Variants in WWP2 observed in about 807,000 individuals in gnomAD.
The protein encoded by WWP2 is WW domain containing E3 ubiquitin protein ligase 2.
WWP2 carries 57 observed loss-of-function variants against 121.0 expected under a neutral mutation model. The observed-to-expected ratio is 0.47, with a 90% confidence interval of 0.38 to 0.59. The LOEUF is 0.59. WWP2 is among the 20% of genes least tolerant of loss of function. WWP2 has a pLI of 0.00. For synonymous variants in WWP2, 449 were observed against 441.3 expected, an observed-to-expected ratio of 1.02 and a Z score of -0.22; for missense variants, 962 against 1,158.9, an observed-to-expected ratio of 0.83 and a Z score of 2.47.
rs368479151 is a variant in WWP2 at position 69,914,004 on chromosome 16, A to G, written c.1005-3705A>G. On this transcript the variant is annotated intron_variant, in intron 9 of 23. Coordinates refer to ENST00000359154, the MANE Select transcript of WWP2 (RefSeq NM_001270454.2). Reference sequence around the variant, plus strand: ...GGAGAATCGCTTGAACCTGGGAGGCAGAGGTTGCAGTGAACTGAGATCACA... The same window carrying G: ...GGAGAATCGCTTGAACCTGGGAGGCGGAGGTTGCAGTGAACTGAGATCACA... 3.6e-5 allele frequency among the ~76,000 whole-genome samples: 5 copies of G among 139,376 alleles called. No individual in the cohort carries two copies. The East Asian group carries it at 1.2e-3, about 34-fold the overall frequency. The allele number at this position is 139,376 out of a possible 152,430, so 91.4% of individuals were successfully genotyped here.
chr16:69,902,417 G>A (rs1341028049), intron 8 of WWP2, among the ~76,000 whole-genome samples: 4 of 152,162 alleles, frequency 2.6e-5, no homozygotes, highest in East Asian at 1.9e-4. Context: ...GCAGTCAGAC[G>A]GAGACTGCTT....
At chr16:69,929,874 G>T (rs905268279) in intron 12 of WWP2, among the ~76,000 whole-genome samples, 1 of 152,214 alleles carries the variant, frequency 6.6e-6, no homozygotes, top group Non-Finnish European at 1.5e-5. Context: ...TGGGGCACAG[G>T]GTGCCTCAGG....
At chr16:69,911,147 C>T (rs1379033331) in intron 9 of WWP2, among the ~76,000 whole-genome samples, 1 of 152,100 alleles carries the variant, frequency 6.6e-6, no homozygotes, top group Non-Finnish European at 1.5e-5. Flanking sequence ...AGACCTAGTC[C>T]CTGGGGAGCA....
chr16:69,870,259 T>C lies in WWP2; in HGVS notation c.576-1545T>C, dbSNP rs574345305. ...ATGTTAGAGTTCAGTGAATATTATA[T>C]ACTTCTGTAGCCATTATTATTACCT... On this transcript the variant is annotated intron_variant, in intron 6 of 23. Transcript: ENST00000359154. 3.2e-4 allele frequency among the ~76,000 whole-genome samples: 49 copies of C among 152,158 alleles called. No individual in the cohort carries two copies. The Middle Eastern group carries it at 0.014, about 43-fold the overall frequency.
chr16:69,802,438 G>A (rs1461894243), intron 4 of WWP2, among the ~76,000 whole-genome samples: 1 of 152,114 alleles, frequency 6.6e-6, no homozygotes, highest in African/African-American at 2.4e-5. Flanking sequence ...GCACCTGGCA[G>A]CTACCGCTCT....
At chr16:69,851,903 A>C (rs1241706419) in intron 6 of WWP2, among the ~76,000 whole-genome samples, 1 of 152,058 alleles carries the variant, frequency 6.6e-6, no homozygotes, top group Non-Finnish European at 1.5e-5. Context: ...GAATAGCTTA[A>C]ATCTGGGGGG....
At chr16:69,909,058 A>G (rs1427901835) in intron 9 of WWP2, 1 of 1,351,212 alleles carries the variant, frequency 7.4e-7, no homozygotes, top group Non-Finnish European at 9.5e-7. Context: ...CTGGGAAACA[A>G]AAGGCGCATG....
At chr16:69,787,327 C>T (rs2151795763) in intron 2 of WWP2, among the ~76,000 whole-genome samples, 1 of 152,316 alleles carries the variant, frequency 6.6e-6, no homozygotes, top group Admixed American at 6.5e-5. Flanking sequence ...CAGTGGCTCA[C>T]GCCTGTAATT....
At chr16:69,832,048 C>G (rs1312518602) in intron 4 of WWP2, among the ~76,000 whole-genome samples, 1 of 152,140 alleles carries the variant, frequency 6.6e-6, no homozygotes, top group South Asian at 2.1e-4. Flanking sequence ...AGGCGGGTCT[C>G]GAACTCCTGA....
intron 18 of WWP2, among the ~76,000 whole-genome samples, 163 bp downstream of exon 18, chr16:69,936,149 G>T (rs1231450082): frequency 1.3e-5 from 2 of 152,124 alleles, no homozygotes; most frequent in Non-Finnish European, 2.9e-5. Context: ...GTTCCCTGGG[G>T]ACAGTTCTAG....
At chr16:69,804,021 A>G (rs573613751) in intron 4 of WWP2, among the ~76,000 whole-genome samples, 2 of 152,334 alleles carry the variant, frequency 1.3e-5, no homozygotes, top group East Asian at 1.9e-4. Flanking sequence ...TTATTGCCCT[A>G]TTAATGTCCT....
intron 8 of WWP2, among the ~76,000 whole-genome samples, chr16:69,899,694 TCCAGCCTGGGTGACAGAGTGAGA>T (rs1254767574): frequency 2.6e-5 from 3 of 116,180 alleles, no homozygotes; most frequent in Non-Finnish European, 4.8e-5. Flanking sequence ...ACCACTGCAC[TCCAGCCTGGGTGACAGAGTGAGA>T]CTCCGTCTCA....
intron 1 of WWP2, among the ~76,000 whole-genome samples, chr16:69,784,039 C>A (rs2055724715): frequency 6.6e-6 from 1 of 151,112 alleles, no homozygotes; most frequent in Admixed American, 6.6e-5. Context: ...GTCTCCCAGA[C>A]TCTTTTAGGG....
At chr16:69,862,385 T>C (rs956671925) in intron 6 of WWP2, among the ~76,000 whole-genome samples, 1 of 151,904 alleles carries the variant, frequency 6.6e-6, no homozygotes, top group African/African-American at 2.4e-5. Context: ...TTTTTTGAGA[T>C]GGAGTCTCGC....
intron 8 of WWP2, among the ~76,000 whole-genome samples, chr16:69,893,268 G>C (rs1234544448): frequency 1.3e-5 from 2 of 152,176 alleles, no homozygotes; most frequent in Non-Finnish European, 2.9e-5. Flanking sequence ...CTGCCTCTCT[G>C]CTATTCTTGG....
intron 4 of WWP2, among the ~76,000 whole-genome samples, chr16:69,803,584 TTG>T (rs558295392): frequency 6.6e-6 from 1 of 152,054 alleles, no homozygotes; most frequent in East Asian, 1.9e-4. Context: ...CCCTGCTTTT[TTG>T]TGTGTGTGTG....
At chr16:69,884,987 C>T (rs2057897261) in intron 7 of WWP2, among the ~76,000 whole-genome samples, 1 of 152,090 alleles carries the variant, frequency 6.6e-6, no homozygotes, top group African/African-American at 2.4e-5. Context: ...TTAATTGACA[C>T]TTGCCTATTC....
chr16:69,860,768 G>A (rs1339085174), intron 6 of WWP2, among the ~76,000 whole-genome samples: 2 of 151,830 alleles, frequency 1.3e-5, no homozygotes, highest in Non-Finnish European at 1.5e-5. Context: ...TTGGGAGGCC[G>A]AGGCTGGAGG....
At chr16:69,851,217 C>T (rs952692933) in intron 6 of WWP2, among the ~76,000 whole-genome samples, 2 of 151,582 alleles carry the variant, frequency 1.3e-5, no homozygotes, top group South Asian at 2.1e-4. Context: ...GAGGTTTCCC[C>T]ATGTTGGCCA....
Sources: gnomAD v4.1 joint callset for allele counts (sites outside exome capture counted in the v4.1 genomes callset) on GRCh38, gnomAD v4.1.1 for gene constraint, MANE v1.5 for transcripts, NCBI Gene and HGNC (gene_info 2026-07-23, HGNC 2026-07-21) for gene names.